Variants in RCAN2 observed in about 807,000 individuals in gnomAD.
RCAN2 encodes the protein calcipressin-2.
Under a neutral mutation model 23.6 loss-of-function variants are expected in RCAN2, and 9 were observed. The ratio of observed to expected loss-of-function variants is 0.38; its 90% CI spans 0.23 to 0.67. The LOEUF is 0.67. Ranked by LOEUF, RCAN2 falls within the 30% of genes least tolerant of loss-of-function variation. The probability of loss-of-function intolerance (pLI) is 0.51; values close to 1 mark genes in which losing one functional copy is unlikely to be tolerated. For synonymous variants in RCAN2, 109 were observed against 115.7 expected (o/e 0.94, Z 0.37); for missense variants, 273 against 302.3 (o/e 0.90, Z 0.72).
At chr6:46,340,249 A>T (rs1362793387) in intron 2 of RCAN2, among the ~76,000 whole-genome samples, 1 of 152,134 alleles carries the variant, frequency 6.6e-6, no homozygotes, top group Non-Finnish European at 1.5e-5. Context: ...CAACTCCTTA[A>T]TTCCTCAAGC....
intron 2 of RCAN2, among the ~76,000 whole-genome samples, chr6:46,375,432 C>T (rs549495756): frequency 2.4e-4 from 36 of 152,274 alleles, no homozygotes; most frequent in Admixed American, 5.9e-4. Context: ...TGGTATTCCC[C>T]ATGATCACAT....
chr6:46,286,878 G>GC (rs1762391679), intron 2 of RCAN2, among the ~76,000 whole-genome samples: 1 of 152,192 alleles, frequency 6.6e-6, no homozygotes, highest in African/African-American at 2.4e-5. Context: ...GGTGGCACAC[G>GC]CCCGTAATCC....
intron 2 of RCAN2, among the ~76,000 whole-genome samples, chr6:46,286,465 G>A (rs1442283381): frequency 6.6e-6 from 1 of 152,088 alleles, no homozygotes; most frequent in African/African-American, 2.4e-5. Context: ...TCCCACAAAT[G>A]TACTATCTTT....
intron 2 of RCAN2, among the ~76,000 whole-genome samples, chr6:46,291,043 G>A (rs1202920097): frequency 6.6e-6 from 1 of 152,120 alleles, no homozygotes; most frequent in Non-Finnish European, 1.5e-5. Flanking sequence ...CACCTAATAG[G>A]TAAGCCACAG....
At chr6:46,268,508 C>T (rs1208416622) in intron 2 of RCAN2, among the ~76,000 whole-genome samples, 1 of 152,132 alleles carries the variant, frequency 6.6e-6, no homozygotes, top group Non-Finnish European at 1.5e-5. Context: ...CTCATATCTT[C>T]CTCTTTCTTG....
rs1490671118 is a variant in RCAN2, at chr6:46,221,307, G to A, written c.*1834C>T. 6.6e-6 allele frequency: 1 copy of A among 152,628 alleles called. No individual in the cohort carries two copies. The highest frequency in any genetic ancestry group is 2.4e-5 in the African/African-American group (1 of 41,450). 9.5% of individuals were successfully genotyped at this position (152,628 alleles called of 1,614,324 possible). A position where few individuals can be genotyped will look rare whatever the true frequency, so the allele number is the denominator to read the frequency against. On this transcript the variant is annotated 3_prime_UTR_variant, in exon 5 of 5. Transcript: ENST00000371374. ...ACCCACAGATGATTGAGAAGAGTCA[G>A]CTTTGAAAGGCTGGATGCTGCAGTG...
rs117505209 is a variant in RCAN2 at position 46,466,796 on chromosome 6, G to A, written c.-2-9818C>T. 8.7e-4 allele frequency among the ~76,000 whole-genome samples: 133 copies of A among 152,268 alleles called. No individual in the cohort carries two copies. In the East Asian group the frequency reaches 0.022, roughly 25 times the overall value. On this transcript the variant is annotated intron_variant, in intron 1 of 4. Transcript: ENST00000371374. ...AGTCTCAGTATCAAGTTCCAGCTCA[G>A]TCCATAACAATAGCGGCAGGAGCAG...
chr6:46,332,957 C>T (rs1252757962), intron 2 of RCAN2, among the ~76,000 whole-genome samples: 2 of 152,240 alleles, frequency 1.3e-5, no homozygotes, highest in East Asian at 3.8e-4. Flanking sequence ...TCTCCACATA[C>T]TCTCCAGCAC....
intron 2 of RCAN2, among the ~76,000 whole-genome samples, chr6:46,313,740 T>C (rs1012088573): frequency 1.3e-5 from 2 of 152,214 alleles, no homozygotes; most frequent in African/African-American, 4.8e-5. Flanking sequence ...GAATTTCTCA[T>C]TGAGAGAATC....
At chr6:46,471,471 A>C (rs1561919352) in intron 1 of RCAN2, among the ~76,000 whole-genome samples, 2 of 152,178 alleles carry the variant, frequency 1.3e-5, no homozygotes, top group Non-Finnish European at 2.9e-5. Flanking sequence ...AGGTAGGAGA[A>C]GATTGAAGAG....
chr6:46,255,156 T>C (rs1766863610), intron 2 of RCAN2, among the ~76,000 whole-genome samples: 1 of 152,136 alleles, frequency 6.6e-6, no homozygotes. Context: ...CTGGGAAGAA[T>C]ACAGAGCACC....
At chr6:46,346,801 T>C in intron 2 of RCAN2, among the ~76,000 whole-genome samples, 1 of 152,088 alleles carries the variant, frequency 6.6e-6, no homozygotes. Flanking sequence ...TGCAATATAA[T>C]TTTGTCCCTA....
chr6:46,281,125 G>C (rs1767897147), intron 2 of RCAN2, among the ~76,000 whole-genome samples: 1 of 151,802 alleles, frequency 6.6e-6, no homozygotes, highest in Non-Finnish European at 1.5e-5. Context: ...GAGTGAGGGA[G>C]GGGGAGAAGA....
chr6:46,271,507 C>A (rs1379466012), intron 2 of RCAN2, among the ~76,000 whole-genome samples: 2 of 152,166 alleles, frequency 1.3e-5, no homozygotes, highest in African/African-American at 2.4e-5. Context: ...AGCACCGTGG[C>A]ACTGCCAAGT....
intron 2 of RCAN2, among the ~76,000 whole-genome samples, chr6:46,276,523 A>G (rs1767713315): frequency 6.6e-6 from 1 of 152,202 alleles, no homozygotes; most frequent in African/African-American, 2.4e-5. Context: ...GCACTGGCCA[A>G]AACATAAAGA....
chr6:46,310,524 T>C (rs1763222902), intron 2 of RCAN2, among the ~76,000 whole-genome samples: 1 of 147,292 alleles, frequency 6.8e-6, no homozygotes, highest in Admixed American at 6.6e-5. Context: ...AGAAACTTTG[T>C]TTTCTAATAT....
intron 2 of RCAN2, among the ~76,000 whole-genome samples, chr6:46,322,218 G>T (rs1398307594): frequency 6.6e-6 from 1 of 152,156 alleles, no homozygotes; most frequent in African/African-American, 2.4e-5. Context: ...GAATACTGGA[G>T]AACATCAACC....
intron 2 of RCAN2, among the ~76,000 whole-genome samples, chr6:46,403,776 T>G (rs1241877399): frequency 6.6e-6 from 1 of 152,188 alleles, no homozygotes; most frequent in Non-Finnish European, 1.5e-5. Flanking sequence ...AAGTGAGTTA[T>G]TAATAGTAAA....
At chr6:46,280,487 A>G (rs945481351) in intron 2 of RCAN2, among the ~76,000 whole-genome samples, 3 of 152,124 alleles carry the variant, frequency 2.0e-5, no homozygotes, top group African/African-American at 7.2e-5. Flanking sequence ...CCACACACAC[A>G]CACACACACA....
Sources: gnomAD v4.1 joint callset for allele counts (sites outside exome capture counted in the v4.1 genomes callset) on GRCh38, gnomAD v4.1.1 for gene constraint, MANE v1.5 for transcripts, NCBI Gene and HGNC (gene_info 2026-07-23, HGNC 2026-07-21) for gene names.